SPIDR: variants seen among roughly 807,000 people sequenced by gnomAD.
SPIDR encodes the protein scaffold protein involved in DNA repair.
A neutral mutation model predicts 104.6 loss-of-function variants in SPIDR; 93 were observed. The observed-to-expected ratio is 0.89, with a 90% CI of 0.75 to 1.06. The LOEUF is 1.06. Among genes scored for constraint, SPIDR ranks in the 50% least tolerant of loss-of-function variants. The probability of loss-of-function intolerance (pLI) is 0.00; values close to 1 mark genes in which losing one functional copy is unlikely to be tolerated. For missense variants in SPIDR, 1,154 were observed against 1,111.2 expected, an observed-to-expected ratio of 1.04 and a Z score of -0.55; for synonymous variants, 431 against 416.9, an observed-to-expected ratio of 1.03 and a Z score of -0.41.
intron 8 of SPIDR, among the ~76,000 whole-genome samples, chr8:47,464,657 AGTCCTGTCCT>A (rs1165191166): frequency 6.6e-6 from 1 of 151,428 alleles, no homozygotes; most frequent in African/African-American, 2.4e-5. Flanking sequence ...TGTCTTGTCT[AGTCCTGTCCT>A]GTCCTGTCCT....
chr8:47,664,985 G>T, intron 10 of SPIDR, among the ~76,000 whole-genome samples: 1 of 152,122 alleles, frequency 6.6e-6, no homozygotes, highest in East Asian at 1.9e-4. Flanking sequence ...TGTTGGACAT[G>T]ATTAAGTGCA....
At chr8:47,591,024 C>T (rs1467832603) in intron 8 of SPIDR, among the ~76,000 whole-genome samples, 2 of 151,944 alleles carry the variant, frequency 1.3e-5, no homozygotes, top group Non-Finnish European at 2.9e-5. Context: ...TTTCATCCTA[C>T]CTATATGTCT....
At chr8:47,356,817 C>T (rs1263674335) in intron 5 of SPIDR, among the ~76,000 whole-genome samples, 1 of 152,094 alleles carries the variant, frequency 6.6e-6, no homozygotes, top group Non-Finnish European at 1.5e-5. Flanking sequence ...GGATACTGAA[C>T]TTTGGTTTTT....
At chr8:47,310,893 A>C (rs1196574048) in intron 5 of SPIDR, among the ~76,000 whole-genome samples, 2 of 152,218 alleles carry the variant, frequency 1.3e-5, no homozygotes, top group East Asian at 3.8e-4. Flanking sequence ...AGAGTTTCTA[A>C]AAATGTACTA....
At chr8:47,676,640 A>G (rs1017220343) in intron 11 of SPIDR, among the ~76,000 whole-genome samples, 2 of 152,232 alleles carry the variant, frequency 1.3e-5, no homozygotes, top group Non-Finnish European at 1.5e-5. Flanking sequence ...TTAATTTTAT[A>G]ATTTCAGTAT....
chr8:47,594,300 G>A (rs2061408647), intron 8 of SPIDR, among the ~76,000 whole-genome samples: 3 of 151,796 alleles, frequency 2.0e-5, no homozygotes, highest in Non-Finnish European at 1.5e-5. Context: ...ACTTGAACTT[G>A]GGAGGCAGAG....
chr8:47,700,592 T>G, intron 12 of SPIDR, 102 bp downstream of exon 12: 1 of 1,160,846 alleles, frequency 8.6e-7, no homozygotes, highest in Admixed American at 1.8e-5. Context: ...TGTCCCCTGC[T>G]CCAGTGGCAA....
At chr8:47,425,447 G>T (rs1033396961) in intron 7 of SPIDR, among the ~76,000 whole-genome samples, 1 of 152,176 alleles carries the variant, frequency 6.6e-6, no homozygotes, top group African/African-American at 2.4e-5. Flanking sequence ...GTCTGCATGG[G>T]CATGGTAGGA....
intron 19 of SPIDR, among the ~76,000 whole-genome samples, chr8:47,730,982 G>T (rs568170377): frequency 1.3e-5 from 2 of 152,306 alleles, no homozygotes; most frequent in Non-Finnish European, 2.9e-5. Context: ...TCTTGGCTGG[G>T]CATGGTGGCT....
intron 8 of SPIDR, among the ~76,000 whole-genome samples, chr8:47,466,898 A>ATATATAT (rs1242893166): frequency 1.2e-4 from 10 of 86,868 alleles, no homozygotes; most frequent in East Asian, 5.2e-4. Flanking sequence ...AAAAAAAAAA[A>ATATATAT]AAATATATAT....
chr8:47,631,244 G>C (rs2067031321), intron 10 of SPIDR, among the ~76,000 whole-genome samples: 1 of 152,178 alleles, frequency 6.6e-6, no homozygotes, highest in South Asian at 2.1e-4. Context: ...ACCCAAACTT[G>C]TGACTGCCCC....
At position 47,366,896 on chromosome 8, in the gene SPIDR, T is replaced by C. The variant is rs552752703; in HGVS notation, c.526-29480T>C. ...TTCTAATTAGTGCCATAAAATTCTT[T>C]ATTGATGCCAAGTTTTTGTTTTTTC... is the stretch of plus-strand genomic sequence containing the variant. On this transcript the variant is annotated intron_variant, in intron 5 of 19. Coordinates refer to ENST00000297423, the MANE Select transcript of SPIDR (RefSeq NM_001080394.4). Among the ~76,000 whole-genome samples, 4 of 152,370 alleles carry C rather than the reference T, an allele frequency of 2.6e-5. No individual in the cohort carries two copies. The South Asian group carries it at 8.3e-4, about 32-fold the overall frequency.
intron 8 of SPIDR, among the ~76,000 whole-genome samples, chr8:47,491,346 C>G (rs572076450): frequency 2.6e-5 from 4 of 151,940 alleles, no homozygotes; most frequent in East Asian, 1.9e-4. Context: ...AAATAAAATT[C>G]TGTTTATTTA....
chr8:47,279,810 AGTTGATTTT>A (rs1743759781), intron 1 of SPIDR, 43 bp from the exon 2 acceptor site: 1 of 1,543,084 alleles, frequency 6.5e-7, no homozygotes, highest in African/African-American at 1.4e-5. Context: ...TATTTAATGA[AGTTGATTTT>A]GTTTTTTTGT....
Position 47,327,987 on chromosome 8 carries a change from G to A in SPIDR, c.525+33957G>A, listed in dbSNP as rs71527662. 2.1e-4 allele frequency among the ~76,000 whole-genome samples: 31 copies of A among 151,216 alleles called. 1 individual carries two copies. Among genetic ancestry groups the A allele is most frequent in the Admixed American group, 4.6e-4 (7 of 15,220 alleles). ...TGCTGGGATTACAGGCATGAGCCAC[G>A]ACCCCTGGCCGTGTTTTTTTTTTGG... is the stretch of plus-strand genomic sequence containing the variant. On this transcript the variant is annotated intron_variant, in intron 5 of 19. Transcript: ENST00000297423.
intron 19 of SPIDR, among the ~76,000 whole-genome samples, chr8:47,731,911 CCT>C (rs535448202): frequency 9.5e-4 from 145 of 152,328 alleles, no homozygotes; most frequent in African/African-American, 3.1e-3. Context: ...TAGAAACGCC[CCT>C]GTTTGAGAAC....
intron 8 of SPIDR, among the ~76,000 whole-genome samples, chr8:47,453,528 A>G (rs1554707658): frequency 1.3e-5 from 2 of 152,218 alleles, no homozygotes; most frequent in Non-Finnish European, 2.9e-5. Flanking sequence ...GATACAGACC[A>G]ATGGAACAGA....
intron 10 of SPIDR, among the ~76,000 whole-genome samples, chr8:47,659,194 G>A (rs1025109771): frequency 5.3e-5 from 8 of 152,116 alleles, no homozygotes; most frequent in Non-Finnish European, 1.2e-4. Flanking sequence ...CAGGAGTTGA[G>A]GCTGCAGGGA....
intron 10 of SPIDR, among the ~76,000 whole-genome samples, chr8:47,639,021 ACTTCTTAAAATATTGTTTGG>A (rs2068414538): frequency 6.6e-6 from 1 of 152,226 alleles, no homozygotes; most frequent in African/African-American, 2.4e-5. Context: ...ATTCTCAAAT[ACTTCTTAAAATATTGTTTGG>A]CTAGATAGGA....
Sources: allele counts gnomAD v4.1 joint callset (sites outside exome capture counted in the v4.1 genomes callset), GRCh38; gene constraint gnomAD v4.1.1; transcripts MANE v1.5; gene names NCBI Gene and HGNC (gene_info 2026-07-23, HGNC 2026-07-21).